Variants in CASK observed in about 807,000 individuals in gnomAD.
CASK encodes peripheral plasma membrane protein CASK.
A neutral mutation model predicts 82.9 loss-of-function variants in CASK; 4 were observed. The ratio of observed to expected loss-of-function variants is 0.05; its 90% CI spans 0.02 to 0.11. The LOEUF (loss-of-function observed/expected upper bound fraction) is 0.11. CASK is among the 10% of genes least tolerant of loss of function. The pLI, the probability that CASK is intolerant of heterozygous loss-of-function variation, is 1.00. For missense variants in CASK, 358 were observed against 720.9 expected (o/e 0.50, Z 5.76); for synonymous variants, 259 against 253.5 (o/e 1.02, Z -0.20).
At chrX:41,585,683 T>A (rs1244847424) in intron 14 of CASK, 2 of 106,818 alleles carry the variant, frequency 1.9e-5, no homozygotes, top group Non-Finnish European at 3.9e-5. Flanking sequence ...GAGGCTGAGC[T>A]TGCAGTGAGC....
chrX:41,642,012 T>C lies in CASK; in HGVS notation c.832-5351A>G, dbSNP rs775867006. The stretch of plus-strand genomic sequence containing the variant: ...CATGTGGTGTTTGGTTTTCTGTCCT[T>C]CTGATAGTTTGCTGAGAATGATGGT... On this transcript the variant is annotated intron_variant, in intron 8 of 26. Transcript: ENST00000378163. Among the ~76,000 whole-genome samples, 3 of 109,357 alleles carry C rather than the reference T, an allele frequency of 2.7e-5. No homozygotes were observed. In the South Asian group the frequency reaches 1.2e-3, roughly 44 times the overall value. The allele number at this position is 109,357 out of a possible 115,157, so 95.0% of individuals were successfully genotyped here. A position where few individuals can be genotyped will look rare whatever the true frequency, so the allele number is the denominator to read the frequency against.
intron 8 of CASK, among the ~76,000 whole-genome samples, chrX:41,639,106 A>G (rs1199674758): frequency 4.1e-5 from 4 of 97,432 alleles, no homozygotes; most frequent in Non-Finnish European, 8.1e-5. Context: ...ATGGAGTCTC[A>G]CTCTGTCGCC....
At chrX:41,760,758 A>G (rs936575683) in intron 3 of CASK, among the ~76,000 whole-genome samples, 2 of 111,308 alleles carry the variant, frequency 1.8e-5, no homozygotes, top group African/African-American at 3.3e-5. Flanking sequence ...TCTCTCCCCA[A>G]ATTTTTTAAC....
chrX:41,904,080 T>C (rs1036791559), intron 1 of CASK, among the ~76,000 whole-genome samples: 2 of 111,812 alleles, frequency 1.8e-5, no homozygotes, highest in Non-Finnish European at 3.8e-5. Context: ...AATACTAATC[T>C]AGTGTCTATA....
In CASK at chrX:41,626,519, A is replaced by C. The variant is rs1476490706; in HGVS notation, c.1015+85T>G. ...TCCGTTGGAGGATTTAACTAAATGC[A>C]CAGGAAAAGTTTATTCACAATGGGA... On this transcript the variant is annotated intron_variant, in intron 10 of 26. Coordinates refer to ENST00000378163, the MANE Select transcript of CASK (RefSeq NM_001367721.1). 4 of 611,137 alleles carry C rather than the reference A, an allele frequency of 6.5e-6. No individual in the cohort carries two copies. In the African/African-American group the frequency reaches 8.7e-5, roughly 13 times the overall value. The allele number at this position is 611,137 out of a possible 1,213,427, so 50.4% of individuals were successfully genotyped here. A position where few individuals can be genotyped will look rare whatever the true frequency, so the allele number is the denominator to read the frequency against.
rs749554477 is a variant in CASK at position 41,630,909 on chromosome X, C to G, written c.916-4206G>C. Among the ~76,000 whole-genome samples the G allele has an allele frequency of 3.6e-5, 4 of 111,633 alleles. No individual in the cohort carries two copies. In the South Asian group the frequency reaches 1.5e-3, roughly 42 times the overall value. ...GTTGATTATACTTAATAATTAGGTC[C>G]TAGATGATAATTAGGTGAGATGATT... On this transcript the variant is annotated intron_variant, in intron 9 of 26. Coordinates refer to ENST00000378163, the MANE Select transcript of CASK (RefSeq NM_001367721.1).
intron 21 of CASK, among the ~76,000 whole-genome samples, chrX:41,544,610 G>A (rs974137160): frequency 1.1e-4 from 12 of 107,652 alleles, no homozygotes; most frequent in Non-Finnish European, 1.9e-4. Flanking sequence ...CTTAGCAGGG[G>A]ATTTCCCAAC....
intron 5 of CASK, among the ~76,000 whole-genome samples, chrX:41,737,868 A>G (rs1316961921): frequency 8.8e-6 from 1 of 113,091 alleles, no homozygotes; most frequent in Non-Finnish European, 1.9e-5. Context: ...TACTCTCTAC[A>G]TATGAACTTT....
rs933827422 is a variant in CASK, at chrX:41,640,977, C to CTTTTT, written c.832-4321_832-4317dup. ...AAAAAAGTCTGTTAAGGTATCTCGT[C>CTTTTT]TTTTTTTTTTTTTTTTTTTTTTTTT... On this transcript the variant is annotated intron_variant, in intron 8 of 26. Coordinates refer to ENST00000378163, the MANE Select transcript of CASK (RefSeq NM_001367721.1). Among the ~76,000 whole-genome samples, 74 of 49,715 alleles carry CTTTTT rather than the reference C, an allele frequency of 1.5e-3. 1 individual carries two copies. Among genetic ancestry groups the CTTTTT allele is most frequent in the East Asian group, 1.9e-3 (3 of 1,557 alleles). The allele number at this position is 49,715 out of a possible 115,157, so 43.2% of individuals were successfully genotyped here.
chrX:41,663,413 G>A (rs756505558), intron 7 of CASK, among the ~76,000 whole-genome samples: 15 of 111,317 alleles, frequency 1.3e-4, no homozygotes, highest in African/African-American at 3.3e-4. Flanking sequence ...TAACCTCAAA[G>A]CTTCAAACCC....
chrX:41,618,261 T>C (rs972766566), intron 11 of CASK, among the ~76,000 whole-genome samples: 2 of 112,465 alleles, frequency 1.8e-5, no homozygotes, highest in Non-Finnish European at 1.9e-5. Context: ...TTATACTTAC[T>C]ACCTTATGTG....
intron 10 of CASK, among the ~76,000 whole-genome samples, chrX:41,626,230 A>G (rs917430127): frequency 9.0e-6 from 1 of 110,835 alleles, no homozygotes; most frequent in African/African-American, 3.3e-5. Flanking sequence ...AATACGACTG[A>G]CCTGGGGAAA....
At chrX:41,732,031 C>A (rs191346474) in intron 5 of CASK, among the ~76,000 whole-genome samples, 1 of 108,266 alleles carries the variant, frequency 9.2e-6, no homozygotes, top group Admixed American at 1.0e-4. Flanking sequence ...CCGCTTCAGC[C>A]TCCCAAAGTT....
intron 26 of CASK, among the ~76,000 whole-genome samples, 195 bp from the exon 27 acceptor site, chrX:41,520,791 G>C (rs775781124): frequency 8.9e-6 from 1 of 112,088 alleles, no homozygotes; most frequent in East Asian, 2.8e-4. Flanking sequence ...GACAGTGATT[G>C]CTCAACATGC....
intron 8 of CASK, among the ~76,000 whole-genome samples, chrX:41,649,792 T>G (rs1364472994): frequency 1.8e-5 from 2 of 111,425 alleles, no homozygotes; most frequent in Non-Finnish European, 3.8e-5. Context: ...CTGAGTTCAA[T>G]TCCTGGATAT....
At chrX:41,583,203 T>A (rs1471856465) in intron 14 of CASK, among the ~76,000 whole-genome samples, 4 of 112,146 alleles carry the variant, frequency 3.6e-5, no homozygotes, top group Admixed American at 9.5e-5. Flanking sequence ...AACTTCTCTC[T>A]GACTTCAGAA....
chrX:41,701,886 T>C lies in CASK; in HGVS notation c.430-30356A>G, dbSNP rs984896113. 3.6e-5 allele frequency among the ~76,000 whole-genome samples: 4 copies of C among 112,437 alleles called. No homozygotes were observed. In the Admixed American group the frequency reaches 3.8e-4, roughly 11 times the overall value. ...CATTGTGATGTAAGCAGCAACTGTA[T>C]TTTACATATGTAGGGATGCAAGTTG... On this transcript the variant is annotated intron_variant, in intron 5 of 26. Transcript: ENST00000378163.
chrX:41,758,788 C>A (rs1268526773), intron 3 of CASK, among the ~76,000 whole-genome samples: 4 of 112,105 alleles, frequency 3.6e-5, no homozygotes, highest in Non-Finnish European at 5.6e-5. Context: ...TAGATAGAAA[C>A]CTTCACCTTT....
intron 5 of CASK, chrX:41,727,429 G>T (rs768924306): frequency 8.3e-7 from 1 of 1,209,558 alleles, no homozygotes. Context: ...TTCATGCTAT[G>T]AGAAAATATT....
Sources: allele counts gnomAD v4.1 joint callset (sites outside exome capture counted in the v4.1 genomes callset), GRCh38; gene constraint gnomAD v4.1.1; transcripts MANE v1.5; gene names NCBI Gene and HGNC (gene_info 2026-07-23, HGNC 2026-07-21).